The following TMEM220 variants were observed in gnomAD, a reference collection of about 807,000 sequenced individuals.
The protein encoded by TMEM220 is transmembrane protein 220.
Under a neutral mutation model 21.7 loss-of-function variants are expected in TMEM220, and 21 were observed. That is an observed-to-expected ratio of 0.97 (90% CI 0.69 to 1.39). The LOEUF (loss-of-function observed/expected upper bound fraction) is 1.39, where lower values mean the gene tolerates loss of function less well. TMEM220 is among the 40% of genes most tolerant of loss of function. TMEM220 has a pLI of 0.00. For missense variants in TMEM220, 191 were observed against 201.9 expected, an observed-to-expected ratio of 0.95 and a Z score of 0.33; for synonymous variants, 80 against 73.6, an observed-to-expected ratio of 1.09 and a Z score of -0.45.
Position 10,729,998 on chromosome 17 carries a change from G to C in TMEM220, c.-147C>G. 1.9e-6 allele frequency: 2 copies of C among 1,074,402 alleles called. No individual in the cohort carries two copies. The allele number at this position is 1,074,402 out of a possible 1,614,324, so 66.6% of individuals were successfully genotyped here. A position where few individuals can be genotyped will look rare whatever the true frequency, so the allele number is the denominator to read the frequency against. On this transcript the variant is annotated 5_prime_UTR_variant, in exon 1 of 6. Coordinates refer to ENST00000341871, the MANE Select transcript of TMEM220 (RefSeq NM_001004313.3). The stretch of plus-strand genomic sequence containing the variant: ...CCTTGGGGACACTGCCGTGGCCGTC[G>C]CTCCGCCCGGGGGCGGGGAGCGAAG...
At position 10,721,621 on chromosome 17, in the gene TMEM220, AAAAAAAG is replaced by A. The variant is rs1182859855; in HGVS notation, c.347+1642_347+1648del. 8.4e-4 allele frequency among the ~76,000 whole-genome samples: 46 copies of A among 54,438 alleles called. 1 individual carries two copies. Among genetic ancestry groups the A allele is most frequent in the East Asian group, 2.9e-3 (5 of 1,746 alleles). The allele number at this position is 54,438 out of a possible 152,430, so 35.7% of individuals were successfully genotyped here. A position where few individuals can be genotyped will look rare whatever the true frequency, so the allele number is the denominator to read the frequency against. On this transcript the variant is annotated intron_variant, in intron 5 of 5. Coordinates refer to ENST00000341871, the MANE Select transcript of TMEM220 (RefSeq NM_001004313.3). ...CTCTGTCTCAAAAAAAAAAAAAAAG[AAAAAAAG>A]AAAAAAAAGAAAAAAAAAATAGTTT... is the stretch of plus-strand genomic sequence containing the variant.
chr17:10,729,760 TC>T lies in TMEM220; in HGVS notation c.72+19del. The T allele has an allele frequency of 7.4e-7, 1 of 1,347,214 alleles. No homozygotes were observed. The highest frequency in any genetic ancestry group is 9.6e-7 in the Non-Finnish European group (1 of 1,045,450). 83.5% of individuals were successfully genotyped at this position (1,347,214 alleles called of 1,614,324 possible). On this transcript the variant is annotated intron_variant, in intron 1 of 5. Coordinates refer to ENST00000341871, the MANE Select transcript of TMEM220 (RefSeq NM_001004313.3). The stretch of plus-strand genomic sequence containing the variant: ...GAGCTGGGAGCCGGGCGGGTCCCCC[TC>T]CCACCGCGGCCGCCTGACCTGCACC...
intron 5 of TMEM220, among the ~76,000 whole-genome samples, chr17:10,719,195 A>G (rs141109977): frequency 4.3e-3 from 652 of 152,328 alleles, no homozygotes; most frequent in Non-Finnish European, 6.4e-3. Context: ...AGATAACCAG[A>G]TAGCCACATA....
In TMEM220 at chr17:10,725,086, G is replaced by T; in HGVS notation, c.212C>A (p.Thr71Lys). 6.2e-7 allele frequency: 1 copy of T among 1,613,932 alleles called. No individual in the cohort carries two copies. The highest frequency in any genetic ancestry group is 8.5e-7 in the Non-Finnish European group (1 of 1,179,972). Residue 71 changes from threonine (T) to lysine (K), a missense_variant, in exon 4 of 6, where the codon ACG becomes AAG. Thr to Lys is a moderately conservative substitution (Grantham distance 78, BLOSUM62 -1). Transcript: ENST00000341871. ...GGACGCCAAGCCAACAGCCCACACC[G>T]TACAAAAGAGTATGTGTATTGCAGA... is the stretch of plus-strand genomic sequence containing the variant. ...SISAIHILFC[T>K]VWAVGLASYL...
At position 10,715,207 on chromosome 17, in the gene TMEM220, T is replaced by G. The variant is rs1471471658; in HGVS notation, c.*246A>C. 6.5e-6 allele frequency: 2 copies of G among 309,668 alleles called. No individual in the cohort carries two copies. Among genetic ancestry groups the G allele is most frequent in the Admixed American group, 5.1e-5 (1 of 19,626 alleles). 19.2% of individuals were successfully genotyped at this position (309,668 alleles called of 1,614,324 possible). A position where few individuals can be genotyped will look rare whatever the true frequency, so the allele number is the denominator to read the frequency against. On this transcript the variant is annotated 3_prime_UTR_variant, in exon 6 of 6. Coordinates refer to ENST00000341871, the MANE Select transcript of TMEM220 (RefSeq NM_001004313.3). The stretch of plus-strand genomic sequence containing the variant: ...GTTAGAACTCGTATTTTTAAACTTC[T>G]ATTCTCTAGCCTTTTCCACTACATT...
chr17:10,724,552 C>T (rs1025670701), intron 4 of TMEM220: 2 of 157,086 alleles, frequency 1.3e-5, no homozygotes, highest in African/African-American at 5.0e-5. Flanking sequence ...TGCACTCCAG[C>T]CTGGGTGACA....
intron 5 of TMEM220, among the ~76,000 whole-genome samples, chr17:10,719,447 T>C (rs903370044): frequency 7.9e-5 from 12 of 152,130 alleles, no homozygotes; most frequent in African/African-American, 2.9e-4. Context: ...TTTGTATTTT[T>C]AGTAGAGACA....
chr17:10,721,002 A>G (rs1201955364), intron 5 of TMEM220, among the ~76,000 whole-genome samples: 2 of 152,250 alleles, frequency 1.3e-5, no homozygotes, highest in East Asian at 3.8e-4. Context: ...ATAAACTCAT[A>G]AGACATCTTA....
rs533230905 is a variant in TMEM220 at position 10,723,415 on chromosome 17, C to T, written c.288-86G>A. 137 of 957,204 alleles carry T rather than the reference C, an allele frequency of 1.4e-4. 1 individual carries two copies. In the South Asian group the frequency reaches 1.7e-3, roughly 12 times the overall value. The allele number at this position is 957,204 out of a possible 1,614,324, so 59.3% of individuals were successfully genotyped here. On this transcript the variant is annotated intron_variant, in intron 4 of 5. Transcript: ENST00000341871. ...CATTCTCTCCATGACCACCTGATAG[C>T]GCATTCTGATTGAGTGACTGACTCT...
In TMEM220 at chr17:10,719,708, T is replaced by C. The variant is rs1484246865; in HGVS notation, c.347+3562A>G. Among the ~76,000 whole-genome samples the C allele has an allele frequency of 2.0e-5, 3 of 151,826 alleles. No individual in the cohort carries two copies. In the East Asian group the frequency reaches 5.8e-4, roughly 29 times the overall value. ...ACTATGACTCCAAATCCAGAAGCAA[T>C]AAGGAAAAGGACTGATAAATACAAT... On this transcript the variant is annotated intron_variant, in intron 5 of 5. Transcript: ENST00000341871.
chr17:10,715,965 G>T, intron 5 of TMEM220: 1 of 378,760 alleles, frequency 2.6e-6, no homozygotes, highest in Non-Finnish European at 4.9e-6. Flanking sequence ...ATTTATTAAA[G>T]ATAATCATTT....
At chr17:10,716,429 C>A in intron 5 of TMEM220, 1 of 655,926 alleles carries the variant, frequency 1.5e-6, no homozygotes, top group Admixed American at 1.8e-5. Flanking sequence ...ATTTCCCGTC[C>A]GGTCAGAACT....
At position 10,715,455 on chromosome 17, in the gene TMEM220, A is replaced by G; in HGVS notation, c.481T>C (p.Ter161GlnextTer10). The G allele has an allele frequency of 6.3e-7, 1 of 1,580,098 alleles. No homozygotes were observed. Among genetic ancestry groups the G allele is most frequent in the Non-Finnish European group, 8.5e-7 (1 of 1,172,480 alleles). Residue 161 changes from the stop codon to glutamine, a stop_lost, in exon 6 of 6, where the codon TAA becomes CAA. Transcript: ENST00000341871. ...SWPTHCKTVI[*>Q] The stretch of plus-strand genomic sequence containing the variant: ...AAAAACGAAGTTCTTGAATTTATTT[A>G]AATTACTGTCTTGCAGTGAGTTGGC...
At chr17:10,729,420 T>G (rs536963185) in intron 1 of TMEM220, among the ~76,000 whole-genome samples, 1 of 152,118 alleles carries the variant, frequency 6.6e-6, no homozygotes, top group Non-Finnish European at 1.5e-5. Flanking sequence ...TTAATGATGC[T>G]ATAAAGGGTT....
In TMEM220 at chr17:10,725,075, C is replaced by T; in HGVS notation, c.223G>A (p.Val75Ile). 6.2e-7 allele frequency: 1 copy of T among 1,614,162 alleles called. No individual in the cohort carries two copies. Among genetic ancestry groups the T allele is most frequent in the Non-Finnish European group, 8.5e-7 (1 of 1,180,024 alleles). Residue 75 changes from valine (V) to isoleucine (I), a missense_variant, in exon 4 of 6, where the codon GTT becomes ATT. Physicochemically the swap from Val to Ile is conservative, Grantham distance 29 (BLOSUM62 3). Transcript: ENST00000341871. ...TGCAAGAGGTAGGACGCCAAGCCAA[C>T]AGCCCACACCGTACAAAAGAGTATG... ...IHILFCTVWA[V>I]GLASYLLHRT...
chr17:10,728,397 C>T lies in TMEM220; in HGVS notation c.102+634G>A, dbSNP rs1426274796. Among the ~76,000 whole-genome samples the T allele has an allele frequency of 4.0e-5, 6 of 151,434 alleles. No individual in the cohort carries two copies. The South Asian group carries it at 1.0e-3, about 26-fold the overall frequency. ...GATCTCAGCACACTGCAACTTCTGC[C>T]TCCTGGGTTCCAGCGAGTCTCCTGC... is the stretch of plus-strand genomic sequence containing the variant. On this transcript the variant is annotated intron_variant, in intron 2 of 5. Coordinates refer to ENST00000341871, the MANE Select transcript of TMEM220 (RefSeq NM_001004313.3).
chr17:10,715,758 T>C (rs1386204717), intron 5 of TMEM220, among the ~76,000 whole-genome samples, 170 bp from the exon 6 acceptor site: 1 of 152,180 alleles, frequency 6.6e-6, no homozygotes, highest in East Asian at 1.9e-4. Flanking sequence ...ATGCTAAATA[T>C]AAATCCTTGT....
At chr17:10,711,207 A>T, downstream of TMEM220, 1 of 1,323,368 alleles carries the variant, frequency 7.6e-7, no homozygotes, top group South Asian at 1.4e-5. Context: ...ACAAAAAAAT[A>T]AAAATCCTCT....
At chr17:10,723,148 T>C (rs1253336950) in intron 5 of TMEM220, 122 bp downstream of exon 5, 2 of 839,430 alleles carry the variant, frequency 2.4e-6, no homozygotes, top group Admixed American at 3.6e-5. Context: ...ACAGGGCTAA[T>C]TTTCTGTATT....
Sources: allele counts gnomAD v4.1 joint callset (sites outside exome capture counted in the v4.1 genomes callset), GRCh38; gene constraint gnomAD v4.1.1; transcripts MANE v1.5; gene names NCBI Gene and HGNC (gene_info 2026-07-23, HGNC 2026-07-21).